Variants in PACRG observed in about 807,000 individuals in gnomAD.
PACRG encodes the protein parkin coregulated.
Under a neutral mutation model 29.7 loss-of-function variants are expected in PACRG, and 29 were observed. The observed-to-expected ratio is 0.98, with a 90% confidence interval of 0.73 to 1.33. The LOEUF is 1.33. Among genes scored for constraint, PACRG ranks in the 40% most tolerant of loss-of-function variants. The probability of loss-of-function intolerance (pLI) is 0.00; values close to 1 mark genes in which losing one functional copy is unlikely to be tolerated. For missense variants in PACRG, 279 were observed against 316.2 expected (o/e 0.88, Z 0.89); for synonymous variants, 116 against 118.7 (o/e 0.98, Z 0.15).
intron 4 of PACRG, among the ~76,000 whole-genome samples, chr6:163,272,892 C>CTTTTTTTTT (rs200076248): frequency 7.3e-5 from 8 of 109,468 alleles, no homozygotes; most frequent in Non-Finnish European, 1.1e-4. Context: ...ATGCATCATT[C>CTTTTTTTTT]TTTTTTTTTT....
At chr6:162,838,639 T>C (rs1417481394) in intron 2 of PACRG, among the ~76,000 whole-genome samples, 1 of 151,900 alleles carries the variant, frequency 6.6e-6, no homozygotes, top group Non-Finnish European at 1.5e-5. Context: ...ATGTGCACAT[T>C]GTGCAGGTTA....
At chr6:162,869,465 G>T (rs535173683) in intron 2 of PACRG, among the ~76,000 whole-genome samples, 1 of 152,168 alleles carries the variant, frequency 6.6e-6, no homozygotes, top group East Asian at 1.9e-4. Context: ...TCAGACTATT[G>T]TCAGGAAAAA....
intron 2 of PACRG, among the ~76,000 whole-genome samples, chr6:162,950,443 G>A (rs1297203007): frequency 1.3e-5 from 2 of 152,284 alleles, no homozygotes; most frequent in African/African-American, 4.8e-5. Context: ...GGGAGGCGGA[G>A]CTTGCAGTGA....
At chr6:163,279,919 C>G (rs932161806) in intron 4 of PACRG, among the ~76,000 whole-genome samples, 3 of 152,146 alleles carry the variant, frequency 2.0e-5, no homozygotes, top group Non-Finnish European at 4.4e-5. Context: ...CCAAATCAAC[C>G]TAGCAGGGCA....
intron 4 of PACRG, among the ~76,000 whole-genome samples, chr6:163,127,596 GT>G (rs1223510228): frequency 6.6e-6 from 1 of 152,196 alleles, no homozygotes; most frequent in Non-Finnish European, 1.5e-5. Context: ...ATTCTTATTA[GT>G]TTCCCCTTCC....
chr6:162,933,765 GA>G (rs1798036563), intron 2 of PACRG, among the ~76,000 whole-genome samples: 2 of 151,338 alleles, frequency 1.3e-5, no homozygotes, highest in East Asian at 1.9e-4. Context: ...TAATTTTGGG[GA>G]AAAAAAAGGT....
intron 4 of PACRG, among the ~76,000 whole-genome samples, chr6:163,253,953 C>G (rs954777692): frequency 3.3e-5 from 5 of 152,182 alleles, no homozygotes; most frequent in Admixed American, 2.6e-4. Context: ...GGGTGGACGG[C>G]TGCAGTGGCA....
chr6:163,149,314 C>T (rs2128337699), intron 4 of PACRG, among the ~76,000 whole-genome samples: 1 of 152,278 alleles, frequency 6.6e-6, no homozygotes, highest in Admixed American at 6.5e-5. Flanking sequence ...AGGCTCCAGC[C>T]GGCTCCCCCT....
chr6:163,215,185 GA>G (rs1781314019), intron 4 of PACRG, among the ~76,000 whole-genome samples: 2 of 151,896 alleles, frequency 1.3e-5, no homozygotes, highest in Admixed American at 6.6e-5. Flanking sequence ...TAATATTCAA[GA>G]TAATCATCTA....
chr6:163,265,491 T>C (rs1386822225), intron 4 of PACRG, among the ~76,000 whole-genome samples: 1 of 152,216 alleles, frequency 6.6e-6, no homozygotes, highest in Non-Finnish European at 1.5e-5. Flanking sequence ...GAAGTGAGGA[T>C]AATATTAATT....
At chr6:163,299,015 T>C (rs1376579763) in intron 4 of PACRG, among the ~76,000 whole-genome samples, 6 of 152,174 alleles carry the variant, frequency 3.9e-5, no homozygotes, top group African/African-American at 1.4e-4. Context: ...CACTCTGAAG[T>C]ACTCTTATTT....
chr6:162,745,382 C>T (rs918732995), intron 1 of PACRG, among the ~76,000 whole-genome samples: 14 of 150,180 alleles, frequency 9.3e-5, no homozygotes, highest in Admixed American at 2.7e-4. Flanking sequence ...AGGGGCCTTT[C>T]GGGGGATGTG....
intron 4 of PACRG, among the ~76,000 whole-genome samples, chr6:163,294,221 A>T (rs972057287): frequency 1.3e-5 from 2 of 152,202 alleles, no homozygotes; most frequent in Non-Finnish European, 2.9e-5. Flanking sequence ...CTCATATAAG[A>T]AAGTTAATAT....
intron 4 of PACRG, among the ~76,000 whole-genome samples, chr6:163,178,975 G>C (rs1360156577): frequency 6.6e-6 from 1 of 152,100 alleles, no homozygotes; most frequent in Non-Finnish European, 1.5e-5. Context: ...TCTTTAAAAA[G>C]GCTGAATTTT....
chr6:162,964,499 ATTCCAGAAGTAGGATATGGCCTATGAAG>A (rs1800873438), intron 2 of PACRG, among the ~76,000 whole-genome samples: 2 of 152,330 alleles, frequency 1.3e-5, no homozygotes, highest in South Asian at 2.1e-4. Context: ...GAGGGGCAGC[ATTCCAGAAGTAGGATATGGCCTATGAAG>A]GCTGGAAGGA....
intron 4 of PACRG, among the ~76,000 whole-genome samples, chr6:163,272,522 A>G (rs1243600041): frequency 6.6e-6 from 1 of 152,158 alleles, no homozygotes; most frequent in Admixed American, 6.5e-5. Context: ...TATTTCCTAT[A>G]GTAATAGCAC....
At chr6:163,173,498 G>T (rs978594143) in intron 4 of PACRG, among the ~76,000 whole-genome samples, 4 of 152,214 alleles carry the variant, frequency 2.6e-5, no homozygotes, top group South Asian at 2.1e-4. Flanking sequence ...AACGAAGCAT[G>T]AATGTCCCCC....
chr6:163,305,507 T>A (rs893676560), intron 4 of PACRG, among the ~76,000 whole-genome samples: 2 of 152,184 alleles, frequency 1.3e-5, no homozygotes, highest in Non-Finnish European at 2.9e-5. Flanking sequence ...CATGAAAGCC[T>A]TATAATTTCC....
chr6:162,727,392 G>A (rs1345113721), upstream of PACRG: 7 of 473,504 alleles, frequency 1.5e-5, no homozygotes, highest in African/African-American at 2.1e-5. Flanking sequence ...GCGGGGGTGC[G>A]GGGCCGCCTG....
Sources: allele counts gnomAD v4.1 joint callset (sites outside exome capture counted in the v4.1 genomes callset), GRCh38; gene constraint gnomAD v4.1.1; transcripts MANE v1.5; gene names NCBI Gene and HGNC (gene_info 2026-07-23, HGNC 2026-07-21).